The following AEBP2 variants were observed in gnomAD, a reference collection of about 807,000 sequenced individuals.
AEBP2 encodes AE binding protein 2.
A neutral mutation model predicts 50.8 loss-of-function variants in AEBP2; 10 were observed. The observed-to-expected ratio is 0.20, with a 90% confidence interval of 0.12 to 0.33. AEBP2 has a LOEUF of 0.33. Among genes scored for constraint, AEBP2 ranks in the 10% least tolerant of loss-of-function variants. The pLI, the probability that AEBP2 is intolerant of heterozygous loss-of-function variation, is 1.00. For missense variants in AEBP2, 570 were observed against 688.0 expected (o/e 0.83, Z 1.92); for synonymous variants, 296 against 261.3 (o/e 1.13, Z -1.28).
chr12:19,512,745 C>T lies in AEBP2; in HGVS notation c.1367+280C>T, dbSNP rs573879670. On this transcript the variant is annotated intron_variant, in intron 6 of 7. Coordinates refer to ENST00000266508, the MANE Select transcript of AEBP2 (RefSeq NM_153207.5). The stretch of plus-strand genomic sequence containing the variant: ...GGGAGGCTGGGGGAGGCCGGCAGTT[C>T]GAGACCAGCCTGGCCAACGTGGTAA... Among the ~76,000 whole-genome samples, 23 of 151,576 alleles carry T rather than the reference C, an allele frequency of 1.5e-4. No homozygotes were observed. In the East Asian group the frequency reaches 3.5e-3, roughly 23 times the overall value.
intron 4 of AEBP2, among the ~76,000 whole-genome samples, chr12:19,496,733 C>T (rs1948987598): frequency 2.0e-5 from 3 of 150,098 alleles, no homozygotes; most frequent in South Asian, 2.1e-4. Flanking sequence ...GCAATCATGA[C>T]TCACTGCAGC....
Position 19,411,871 on chromosome 12 carries a change from T to G in AEBP2, c.-17+7655T>G, listed in dbSNP as rs533815791. On this transcript the variant is annotated intron_variant, in intron 1 of 3. Coordinates refer to the AEBP2 transcript ENST00000538425. ...AAATTATTGCGCACATTTTAGAGGT[T>G]GGAGAACAGACTCAGACCATGTACA... Among the ~76,000 whole-genome samples the G allele has an allele frequency of 2.0e-5, 3 of 152,342 alleles. No homozygotes were observed. In the South Asian group the frequency reaches 6.2e-4, roughly 32 times the overall value.
At chr12:19,404,527 A>T (rs1005238990) in intron 1 of AEBP2, among the ~76,000 whole-genome samples, 1 of 152,188 alleles carries the variant, frequency 6.6e-6, no homozygotes, top group Non-Finnish European at 1.5e-5. Flanking sequence ...GCTTCTCGGA[A>T]AAATGTTCAC....
intron 1 of AEBP2, among the ~76,000 whole-genome samples, chr12:19,449,339 T>A (rs1948127168): frequency 6.6e-6 from 1 of 152,220 alleles, no homozygotes; most frequent in African/African-American, 2.4e-5. Flanking sequence ...GATAACTTCC[T>A]TAGTGTAATT....
chr12:19,486,596 T>C (rs1008118876), intron 3 of AEBP2, among the ~76,000 whole-genome samples: 3 of 152,060 alleles, frequency 2.0e-5, no homozygotes, highest in South Asian at 2.1e-4. Context: ...TTGCCCAGGC[T>C]GGTTTCGAAC....
At chr12:19,470,807 T>G (rs11044580) in intron 2 of AEBP2, among the ~76,000 whole-genome samples, 25,413 of 152,076 alleles carry the variant, frequency 0.17, 3,788 homozygotes, top group African/African-American at 0.4. Context: ...AATCTTATCT[T>G]TAAGAGTATT....
upstream of AEBP2, among the ~76,000 whole-genome samples, chr12:19,436,988 CTG>C (rs1039669549): frequency 4.6e-5 from 7 of 152,136 alleles, no homozygotes; most frequent in African/African-American, 1.7e-4. Flanking sequence ...TCTCCTATCC[CTG>C]TTACTCACCC....
intron 3 of AEBP2, among the ~76,000 whole-genome samples, chr12:19,476,143 A>G (rs1359349268): frequency 6.6e-6 from 1 of 152,208 alleles, no homozygotes; most frequent in African/African-American, 2.4e-5. Context: ...TGCCTAAGCC[A>G]ATGTCTGGAA....
Position 19,521,310 on chromosome 12 carries a change from C to T in AEBP2, c.*3193C>T, listed in dbSNP as rs114582510. 2.5e-3 allele frequency: 373 copies of T among 152,160 alleles called. No individual in the cohort carries two copies. The highest frequency in any genetic ancestry group is 8.5e-3 in the African/African-American group (351 of 41,506). The allele number at this position is 152,160 out of a possible 1,614,324, so 9.4% of individuals were successfully genotyped here. On this transcript the variant is annotated 3_prime_UTR_variant, in exon 8 of 8. Coordinates refer to ENST00000266508, the MANE Select transcript of AEBP2 (RefSeq NM_153207.5). Reference sequence around the variant, plus strand: ...TCATGTATTTTACAGTAAATACTGCCATATTAGGTACCTACAACAAATGGT... The same window carrying T: ...TCATGTATTTTACAGTAAATACTGCTATATTAGGTACCTACAACAAATGGT...
chr12:19,509,095 T>G (rs1278145768), intron 5 of AEBP2: 1 of 566,682 alleles, frequency 1.8e-6, no homozygotes. Context: ...CTAAAGTTCT[T>G]AATGAGATTG....
chr12:19,475,553 T>C (rs1447046604), intron 3 of AEBP2, among the ~76,000 whole-genome samples: 1 of 152,158 alleles, frequency 6.6e-6, no homozygotes, highest in Non-Finnish European at 1.5e-5. Context: ...ATAATGACTT[T>C]TCCCAGTAGT....
chr12:19,495,657 T>G (rs1459589739), intron 4 of AEBP2, among the ~76,000 whole-genome samples: 1 of 151,474 alleles, frequency 6.6e-6, no homozygotes, highest in African/African-American at 2.4e-5. Flanking sequence ...TTCTCCCACC[T>G]CAGCCTCCCA....
At chr12:19,482,490 T>C (rs1209190969) in intron 3 of AEBP2, among the ~76,000 whole-genome samples, 1 of 152,204 alleles carries the variant, frequency 6.6e-6, no homozygotes, top group African/African-American at 2.4e-5. Flanking sequence ...TCCTGGGATC[T>C]GGGTTATTCT....
intron 3 of AEBP2, 21 bp downstream of exon 3, chr12:19,473,376 AATTTATTT>A (rs71530938): frequency 1.0e-3 from 177 of 175,570 alleles, no homozygotes; most frequent in Middle Eastern, 4.5e-3. Context: ...ATGTATATAA[AATTTATTT>A]ATTTATTTAT....
At chr12:19,449,608 C>T (rs1477794002) in intron 1 of AEBP2, among the ~76,000 whole-genome samples, 4 of 152,104 alleles carry the variant, frequency 2.6e-5, no homozygotes, top group South Asian at 2.1e-4. Flanking sequence ...GAAAGAAAAT[C>T]GTTTGTCTTT....
intron 1 of AEBP2, 47 bp downstream of exon 1, chr12:19,440,417 C>G (rs771648202): frequency 6.9e-7 from 1 of 1,454,298 alleles, no homozygotes; most frequent in East Asian, 2.4e-5. Flanking sequence ...TCTTGAACTC[C>G]CGGGCCCCTC....
intron 6 of AEBP2, among the ~76,000 whole-genome samples, chr12:19,513,486 A>G (rs1057481970): frequency 6.6e-6 from 1 of 152,172 alleles, no homozygotes; most frequent in Non-Finnish European, 1.5e-5. Context: ...GGCTGGGCGC[A>G]GTGGTTTATG....
At chr12:19,440,745 G>T in intron 1 of AEBP2, 1 of 1,533,524 alleles carries the variant, frequency 6.5e-7, no homozygotes, top group South Asian at 1.2e-5. Flanking sequence ...TCTTCCAACC[G>T]TGTTCGGGAA....
rs536492794 is a variant in AEBP2, at chr12:19,482,228, G to A, written c.987+8873G>A. On this transcript the variant is annotated intron_variant, in intron 3 of 7. Coordinates refer to ENST00000266508, the MANE Select transcript of AEBP2 (RefSeq NM_153207.5). ...CTACTAGGCTCTGGGATGGTGCTGG[G>A]GAATGCCTACAAGGAGTCCTGTGAT... 6.6e-5 allele frequency among the ~76,000 whole-genome samples: 10 copies of A among 152,246 alleles called. No homozygotes were observed. The South Asian group carries it at 2.1e-3, about 32-fold the overall frequency.
Sources: gnomAD v4.1 joint callset for allele counts (sites outside exome capture counted in the v4.1 genomes callset) on GRCh38, gnomAD v4.1.1 for gene constraint, MANE v1.5 for transcripts, NCBI Gene and HGNC (gene_info 2026-07-23, HGNC 2026-07-21) for gene names.